The following TRIM33 variants were observed in gnomAD, a reference collection of about 807,000 sequenced individuals.
TRIM33 encodes the protein tripartite motif containing 33.
TRIM33 carries 20 observed loss-of-function variants against 125.4 expected under a neutral mutation model. The ratio of observed to expected loss-of-function variants is 0.16; its 90% confidence interval spans 0.11 to 0.23. The LOEUF (loss-of-function observed/expected upper bound fraction) is 0.23. TRIM33 is among the 10% of genes least tolerant of loss of function. The pLI, the probability that TRIM33 is intolerant of heterozygous loss-of-function variation, is 1.00. For synonymous variants in TRIM33, 564 were observed against 513.9 expected, an observed-to-expected ratio of 1.10 and a Z score of -1.32; for missense variants, 920 against 1,411.4, an observed-to-expected ratio of 0.65 and a Z score of 5.58.
rs1294136106 is a variant in TRIM33 at position 114,396,977 on chromosome 1, T to C, written c.*671A>G. 4.6e-6 allele frequency: 1 copy of C among 216,906 alleles called. No homozygotes were observed. Among genetic ancestry groups the C allele is most frequent in the Non-Finnish European group, 9.3e-6 (1 of 107,768 alleles). The allele number at this position is 216,906 out of a possible 1,614,324, so 13.4% of individuals were successfully genotyped here. ...TGAAAAGTTACCATTTTTGTTTCAG[T>C]AGACCATTGAAGTTGATTAAATGAT... On this transcript the variant is annotated 3_prime_UTR_variant, in exon 20 of 20. Coordinates refer to ENST00000358465, the MANE Select transcript of TRIM33 (RefSeq NM_015906.4).
chr1:114,496,918 T>C (rs1652401028), intron 1 of TRIM33, among the ~76,000 whole-genome samples: 1 of 152,232 alleles, frequency 6.6e-6, no homozygotes, highest in Admixed American at 6.5e-5. Context: ...TCTGGAGTTG[T>C]CAACAAAACA....
chr1:114,398,992 T>G (rs574551316), intron 18 of TRIM33, among the ~76,000 whole-genome samples: 3 of 151,480 alleles, frequency 2.0e-5, no homozygotes, highest in South Asian at 4.2e-4. Flanking sequence ...GTCACACTGC[T>G]GAAATAAGAA....
chr1:114,509,175 A>G (rs545666747), intron 1 of TRIM33, among the ~76,000 whole-genome samples: 209 of 152,300 alleles, frequency 1.4e-3, no homozygotes, highest in African/African-American at 4.8e-3. Context: ...TCCTCTTGAT[A>G]TGAAAGCCCT....
intron 4 of TRIM33, among the ~76,000 whole-genome samples, chr1:114,452,727 TAAA>T (rs34364866): frequency 0.078 from 8,359 of 107,574 alleles, 837 homozygotes; most frequent in African/African-American, 0.25. Flanking sequence ...CCCCATCTCT[TAAA>T]AAAAAAAAAA....
At chr1:114,463,837 C>T (rs972510212) in intron 2 of TRIM33, among the ~76,000 whole-genome samples, 3 of 149,228 alleles carry the variant, frequency 2.0e-5, no homozygotes, top group Non-Finnish European at 4.4e-5. Flanking sequence ...AGTGCAATCA[C>T]GGCTCACTAC....
intron 1 of TRIM33, among the ~76,000 whole-genome samples, chr1:114,476,071 G>T (rs552350859): frequency 1.3e-5 from 2 of 151,778 alleles, no homozygotes; most frequent in Non-Finnish European, 2.9e-5. Context: ...TTTCAAGTGA[G>T]ATATAAAAAA....
intron 1 of TRIM33, among the ~76,000 whole-genome samples, chr1:114,505,815 G>A (rs140965147): frequency 0.039 from 5,874 of 152,092 alleles, 150 homozygotes; most frequent in Non-Finnish European, 0.056. Flanking sequence ...CGATCTGCCC[G>A]CCTCGGCCTC....
In TRIM33 at chr1:114,409,206, T is replaced by C. The variant is rs554459077; in HGVS notation, c.2195-466A>G. ...GTGGTGTGTTTCAGTAAGAAAAAAA[T>C]AACATTTAATTTACGTTAGAAAAAT... On this transcript the variant is annotated intron_variant, in intron 12 of 19. Transcript: ENST00000358465. Among the ~76,000 whole-genome samples the C allele has an allele frequency of 2.0e-5, 3 of 152,182 alleles. No individual in the cohort carries two copies. The South Asian group carries it at 6.2e-4, about 32-fold the overall frequency.
intron 6 of TRIM33, among the ~76,000 whole-genome samples, chr1:114,428,718 T>C (rs1647746136): frequency 6.6e-6 from 1 of 152,240 alleles, no homozygotes. Context: ...ACTACATTTC[T>C]TTTATAAAGC....
At chr1:114,473,256 CAAAA>C (rs35627159) in intron 1 of TRIM33, among the ~76,000 whole-genome samples, 1 of 106,296 alleles carries the variant, frequency 9.4e-6, no homozygotes. Flanking sequence ...GACTCTGTCT[CAAAA>C]AAAAAAAAAA....
intron 2 of TRIM33, 40 bp from the exon 3 acceptor site, chr1:114,463,596 A>T: frequency 7.8e-7 from 1 of 1,276,892 alleles, no homozygotes; most frequent in Non-Finnish European, 1.1e-6. Context: ...TTAAATACAT[A>T]AAATCTAGAT....
At chr1:114,429,218 C>T (rs1391874553) in intron 6 of TRIM33, among the ~76,000 whole-genome samples, 1 of 151,014 alleles carries the variant, frequency 6.6e-6, no homozygotes, top group Non-Finnish European at 1.5e-5. Flanking sequence ...GACGGAGTCT[C>T]GCTCTGTCGC....
intron 4 of TRIM33, among the ~76,000 whole-genome samples, chr1:114,458,655 A>G (rs1238219009): frequency 3.3e-5 from 5 of 152,154 alleles, no homozygotes; most frequent in Non-Finnish European, 5.9e-5. Flanking sequence ...TTTCTCAAAT[A>G]TCTCCCATCC....
intron 1 of TRIM33, among the ~76,000 whole-genome samples, chr1:114,476,013 G>C (rs1376418628): frequency 6.6e-6 from 1 of 151,226 alleles, no homozygotes; most frequent in African/African-American, 2.4e-5. Context: ...ATAATAATAC[G>C]GAAAAATTAT....
In TRIM33 at chr1:114,402,930, T is replaced by C. The variant is rs1355567943; in HGVS notation, c.2769-47A>G. 4 of 1,552,600 alleles carry C rather than the reference T, an allele frequency of 2.6e-6. No homozygotes were observed. The Admixed American group carries it at 6.1e-5, about 24-fold the overall frequency. On this transcript the variant is annotated intron_variant, in intron 15 of 19. Transcript: ENST00000358465. ...TAGTCCACGTAATTATAAGAAAGCC[T>C]GCTCTAGAGAAGCTACTTCCCTGGA...
intron 12 of TRIM33, 112 bp from the exon 13 acceptor site, chr1:114,408,852 A>C: frequency 1.4e-6 from 1 of 713,620 alleles, no homozygotes; most frequent in East Asian, 3.0e-5. Context: ...ATTATTGGAA[A>C]TCAGACCTAG....
intron 1 of TRIM33, among the ~76,000 whole-genome samples, chr1:114,464,738 T>G (rs916475800): frequency 5.3e-5 from 8 of 152,198 alleles, no homozygotes; most frequent in African/African-American, 1.9e-4. Flanking sequence ...TGGAGATGGT[T>G]TGTCCAGCGG....
At chr1:114,476,220 GA>G (rs58538418) in intron 1 of TRIM33, among the ~76,000 whole-genome samples, 2,273 of 138,248 alleles carry the variant, frequency 0.016, 26 homozygotes, top group South Asian at 0.044. Flanking sequence ...AAACAAATAA[GA>G]AAAAAAAAAA....
At chr1:114,446,157 A>C (rs993744280) in intron 4 of TRIM33, among the ~76,000 whole-genome samples, 1 of 152,170 alleles carries the variant, frequency 6.6e-6, no homozygotes, top group Non-Finnish European at 1.5e-5. Flanking sequence ...TGCCCAGCTT[A>C]AATTGAGGAT....
Sources: gnomAD v4.1 joint callset for allele counts (sites outside exome capture counted in the v4.1 genomes callset) on GRCh38, gnomAD v4.1.1 for gene constraint, MANE v1.5 for transcripts, NCBI Gene and HGNC (gene_info 2026-07-23, HGNC 2026-07-21) for gene names.